HIPK3: variants seen among roughly 807,000 people sequenced by gnomAD.
HIPK3 encodes the protein homeodomain-interacting protein kinase 3.
Under a neutral mutation model 124.2 loss-of-function variants are expected in HIPK3, and 47 were observed. The observed-to-expected ratio is 0.38, with a 90% CI of 0.30 to 0.48. The LOEUF (loss-of-function observed/expected upper bound fraction) is 0.48. HIPK3 is among the 20% of genes least tolerant of loss of function. The pLI is 0.98. For synonymous variants in HIPK3, 482 were observed against 515.2 expected, an observed-to-expected ratio of 0.94 and a Z score of 0.87; for missense variants, 1,286 against 1,454.3, an observed-to-expected ratio of 0.88 and a Z score of 1.88.
chr11:33,295,286 C>CCA (rs1554963995), intron 2 of HIPK3, among the ~76,000 whole-genome samples: 3 of 149,626 alleles, frequency 2.0e-5, no homozygotes, highest in Admixed American at 1.3e-4. Context: ...CGCCCCCCCC[C>CCA]CACAACTCCA....
chr11:33,319,770 G>T (rs1751706763), intron 2 of HIPK3, among the ~76,000 whole-genome samples: 1 of 152,120 alleles, frequency 6.6e-6, no homozygotes, highest in South Asian at 2.1e-4. Flanking sequence ...AGCATTAAAA[G>T]AATTAAAGTT....
intron 2 of HIPK3, among the ~76,000 whole-genome samples, chr11:33,295,089 G>C (rs1221595090): frequency 2.0e-5 from 3 of 152,030 alleles, no homozygotes; most frequent in Admixed American, 2.0e-4. Context: ...GCCCTCACCG[G>C]GTACCACCTG....
At chr11:33,298,974 G>A (rs1218016070) in intron 2 of HIPK3, among the ~76,000 whole-genome samples, 1 of 151,950 alleles carries the variant, frequency 6.6e-6, no homozygotes, top group Non-Finnish European at 1.5e-5. Flanking sequence ...AGCCTCCCAA[G>A]TAGCTGGAAT....
intron 2 of HIPK3, among the ~76,000 whole-genome samples, chr11:33,293,124 G>A (rs954840222): frequency 6.6e-6 from 1 of 152,248 alleles, no homozygotes. Flanking sequence ...ACAGATAGTC[G>A]ACTACATATA....
chr11:33,266,072 A>AG (rs1850954258), intron 1 of HIPK3, among the ~76,000 whole-genome samples: 1 of 150,706 alleles, frequency 6.6e-6, no homozygotes, highest in South Asian at 2.1e-4. Flanking sequence ...AAAAAAAAAA[A>AG]AAAAGAAAAC....
At chr11:33,340,303 T>G (rs962701320) in intron 6 of HIPK3, among the ~76,000 whole-genome samples, 8 of 152,212 alleles carry the variant, frequency 5.3e-5, no homozygotes, top group African/African-American at 1.9e-4. Context: ...CTCGAACTTC[T>G]GGGCTCAAGT....
At chr11:33,273,001 A>T (rs1053046816) in intron 1 of HIPK3, among the ~76,000 whole-genome samples, 1 of 145,738 alleles carries the variant, frequency 6.9e-6, no homozygotes, top group Non-Finnish European at 1.5e-5. Flanking sequence ...TGCCTGGCTA[A>T]TTTTTTTTTT....
rs966597955 is a variant in HIPK3, at chr11:33,349,175, T to C, written c.2695T>C (p.Cys899Arg). Residue 899 changes from cysteine to arginine, a missense_variant, in exon 14 of 17, where the codon TGC becomes CGC. Cys to Arg is a radical substitution (Grantham distance 180). Coordinates refer to ENST00000303296, the MANE Select transcript of HIPK3 (RefSeq NM_005734.5). ...ECKGSLDCEA[C>R]QSTLNIDRMC... ...TAAAGGTAGTCTAGATTGTGAAGCT[T>C]GCCAGAGCACTTTGAATATTGATCG... is the stretch of plus-strand genomic sequence containing the variant. 1.2e-6 allele frequency: 2 copies of C among 1,613,908 alleles called. No individual in the cohort carries two copies. Among genetic ancestry groups the C allele is most frequent in the Non-Finnish European group, 8.5e-7 (1 of 1,179,914 alleles).
At chr11:33,311,837 T>TACACACACACACACAC (rs370396153) in intron 2 of HIPK3, among the ~76,000 whole-genome samples, 1,142 of 104,426 alleles carry the variant, frequency 0.011, 48 homozygotes, top group Middle Eastern at 0.016. Context: ...ACCCTGTTTC[T>TACACACACACACACAC]ACACACACAC....
chr11:33,338,090 T>C (rs1488486393), intron 4 of HIPK3, among the ~76,000 whole-genome samples: 1 of 152,250 alleles, frequency 6.6e-6, no homozygotes, highest in East Asian at 1.9e-4. Context: ...ACTACATTTG[T>C]GTTGTGTGTT....
At chr11:33,303,346 G>T (rs1277041561) in intron 2 of HIPK3, among the ~76,000 whole-genome samples, 1 of 152,176 alleles carries the variant, frequency 6.6e-6, no homozygotes, top group Non-Finnish European at 1.5e-5. Context: ...TACGTGTTCT[G>T]TACAGATATG....
At chr11:33,314,439 G>A (rs539331583) in intron 2 of HIPK3, among the ~76,000 whole-genome samples, 2 of 152,100 alleles carry the variant, frequency 1.3e-5, no homozygotes, top group African/African-American at 4.8e-5. Context: ...GATCACTTGA[G>A]GTCAGGAGTT....
At chr11:33,319,654 A>G (rs1250934146) in intron 2 of HIPK3, among the ~76,000 whole-genome samples, 2 of 152,198 alleles carry the variant, frequency 1.3e-5, no homozygotes, top group South Asian at 2.1e-4. Flanking sequence ...GGTGATGTTT[A>G]ACAACATTTT....
At chr11:33,348,145 G>C in intron 11 of HIPK3, 21 bp from the exon 12 acceptor site, 1 of 1,612,802 alleles carries the variant, frequency 6.2e-7, no homozygotes, top group Non-Finnish European at 8.5e-7. Flanking sequence ...CACTAAGCCA[G>C]CTCCCTTCTC....
chr11:33,280,433 A>G (rs1486295264), intron 1 of HIPK3, among the ~76,000 whole-genome samples: 1 of 152,208 alleles, frequency 6.6e-6, no homozygotes. Flanking sequence ...ATACCTGGAT[A>G]TATCAGGGAG....
At chr11:33,297,091 A>AT (rs34751907) in intron 2 of HIPK3, among the ~76,000 whole-genome samples, 93,602 of 136,536 alleles carry the variant, frequency 0.69, 32,503 homozygotes, top group Admixed American at 0.75. Flanking sequence ...TATGGAAAAG[A>AT]TTTTTTTTTT....
Position 33,353,486 on chromosome 11 carries a change from C to G in HIPK3, c.3566C>G (p.Pro1189Arg). Residue 1189 changes from proline (P) to arginine (R), a missense_variant, in exon 17 of 17, where the codon CCA (proline) becomes CGA (arginine). Pro to Arg is a moderately radical substitution (Grantham distance 103, BLOSUM62 -2). Coordinates refer to ENST00000303296, the MANE Select transcript of HIPK3 (RefSeq NM_005734.5). ...ACTCAGTACAAACCAATCTTCCCACCACATTCTTACATTGCAGCATCACCT... is the reference window on the plus strand; with the variant it reads ...ACTCAGTACAAACCAATCTTCCCACGACATTCTTACATTGCAGCATCACCT... ...HQTQYKPIFP[P>R]HSYIAASPAY... is the part of the protein sequence containing the mutation. The G allele has an allele frequency of 6.2e-7, 1 of 1,614,094 alleles. No homozygotes were observed. The highest frequency in any genetic ancestry group is 8.5e-7 in the Non-Finnish European group (1 of 1,179,938).
intron 8 of HIPK3, among the ~76,000 whole-genome samples, chr11:33,342,908 TCAC>T (rs1273496399): frequency 6.6e-6 from 1 of 152,168 alleles, no homozygotes; most frequent in East Asian, 1.9e-4. Context: ...GCAGCAAACC[TCAC>T]TACTGGAATA....
At chr11:33,308,681 T>A (rs1374358313) in intron 2 of HIPK3, among the ~76,000 whole-genome samples, 1 of 151,482 alleles carries the variant, frequency 6.6e-6, no homozygotes, top group Non-Finnish European at 1.5e-5. Flanking sequence ...TTGAATCTCT[T>A]AATAGCTTTC....
Sources: allele counts gnomAD v4.1 joint callset (sites outside exome capture counted in the v4.1 genomes callset), GRCh38; gene constraint gnomAD v4.1.1; transcripts MANE v1.5; gene names NCBI Gene and HGNC (gene_info 2026-07-23, HGNC 2026-07-21).